YAF2: variants seen among roughly 807,000 people sequenced by gnomAD.
The protein encoded by YAF2 is YY1 associated factor 2.
YAF2 carries 7 observed loss-of-function variants against 20.1 expected under a neutral mutation model. That is an observed-to-expected ratio of 0.35 (90% confidence interval 0.20 to 0.65). The LOEUF (loss-of-function observed/expected upper bound fraction) is 0.65. Among genes scored for constraint, YAF2 ranks in the 30% least tolerant of loss-of-function variants. The pLI, the probability that YAF2 is intolerant of heterozygous loss-of-function variation, is 0.69. For missense variants in YAF2, 151 were observed against 219.2 expected, an observed-to-expected ratio of 0.69 and a Z score of 1.96; for synonymous variants, 74 against 76.0, an observed-to-expected ratio of 0.97 and a Z score of 0.14.
chr12:42,163,820 C>G (rs558252421), intron 2 of YAF2, among the ~76,000 whole-genome samples: 1 of 152,196 alleles, frequency 6.6e-6, no homozygotes, highest in South Asian at 2.1e-4. Context: ...TTATGATGAT[C>G]TTTTTACAAC....
chr12:42,175,973 T>C (rs2066179738), intron 2 of YAF2, among the ~76,000 whole-genome samples: 1 of 151,530 alleles, frequency 6.6e-6, no homozygotes. Flanking sequence ...GGGGCTAGGC[T>C]TGGTGGCTCA....
intron 2 of YAF2, among the ~76,000 whole-genome samples, chr12:42,195,091 T>C (rs1234192187): frequency 6.6e-6 from 1 of 152,046 alleles, no homozygotes; most frequent in Non-Finnish European, 1.5e-5. Flanking sequence ...ACAAGAAACA[T>C]ACACAAGCAA....
chr12:42,185,281 A>G (rs2137067846), intron 2 of YAF2, among the ~76,000 whole-genome samples: 1 of 152,352 alleles, frequency 6.6e-6, no homozygotes. Context: ...TTCACAGATG[A>G]GGAGTTGCTT....
chr12:42,235,528 G>A (rs963230606), intron 2 of YAF2: 15 of 1,326,506 alleles, frequency 1.1e-5, no homozygotes, highest in African/African-American at 1.5e-5. Flanking sequence ...GAGCTCTTAG[G>A]TTTAACTTAG....
rs201560900 is a variant in YAF2 at position 42,174,159 on chromosome 12, T to A, written c.153-12394A>T. ...ATCCCTGTCTAGCCACTGCCCCATT[T>A]GTTTTCTTTTCCATGACACCTCAAA... is the stretch of plus-strand genomic sequence containing the variant. On this transcript the variant is annotated intron_variant, in intron 2 of 3. Coordinates refer to ENST00000534854, the MANE Select transcript of YAF2 (RefSeq NM_005748.6). Among the ~76,000 whole-genome samples the A allele has an allele frequency of 5.3e-5, 8 of 152,224 alleles. No individual in the cohort carries two copies. The East Asian group carries it at 1.5e-3, about 29-fold the overall frequency.
intron 2 of YAF2, among the ~76,000 whole-genome samples, chr12:42,180,270 C>T (rs2066309838): frequency 6.6e-6 from 1 of 152,222 alleles, no homozygotes; most frequent in Non-Finnish European, 1.5e-5. Context: ...CTAGCTTCTA[C>T]CCTCACTCTC....
chr12:42,173,452 C>T (rs1405962794), intron 2 of YAF2, among the ~76,000 whole-genome samples: 3 of 152,190 alleles, frequency 2.0e-5, no homozygotes. Flanking sequence ...CAAAGCCTCT[C>T]AAATCATTAA....
At chr12:42,188,030 T>C (rs906304527) in intron 2 of YAF2, among the ~76,000 whole-genome samples, 3 of 152,168 alleles carry the variant, frequency 2.0e-5, no homozygotes, top group Non-Finnish European at 4.4e-5. Context: ...TTATCTTAGT[T>C]GCACCCTCAG....
At chr12:42,187,299 G>A (rs2066498490) in intron 2 of YAF2, among the ~76,000 whole-genome samples, 1 of 151,974 alleles carries the variant, frequency 6.6e-6, no homozygotes, top group Admixed American at 6.6e-5. Flanking sequence ...TGGTACTACA[G>A]GTGCTCACTA....
intron 2 of YAF2, among the ~76,000 whole-genome samples, chr12:42,197,554 GC>G (rs2066786113): frequency 6.6e-6 from 1 of 152,174 alleles, no homozygotes; most frequent in Admixed American, 6.5e-5. Flanking sequence ...TAATATGTAT[GC>G]CCAGATAACA....
intron 2 of YAF2, among the ~76,000 whole-genome samples, chr12:42,177,693 G>A (rs375634257): frequency 1.1e-3 from 164 of 152,250 alleles, no homozygotes; most frequent in African/African-American, 3.8e-3. Context: ...ACTTCTGCCC[G>A]AGGGTTTCCC....
chr12:42,193,432 G>A (rs545812581), intron 2 of YAF2, among the ~76,000 whole-genome samples: 1 of 152,112 alleles, frequency 6.6e-6, no homozygotes, highest in African/African-American at 2.4e-5. Flanking sequence ...TGCTATTTCA[G>A]AGTGTATTCC....
At chr12:42,227,826 T>G (rs1428836427) in intron 2 of YAF2, among the ~76,000 whole-genome samples, 2 of 100,246 alleles carry the variant, frequency 2.0e-5, no homozygotes, top group East Asian at 3.8e-4. Flanking sequence ...TGGCCAGCCG[T>G]GCCGTCCGGG....
At chr12:42,222,070 C>T (rs1393276686) in intron 2 of YAF2, among the ~76,000 whole-genome samples, 1 of 152,148 alleles carries the variant, frequency 6.6e-6, no homozygotes, top group Admixed American at 6.5e-5. Flanking sequence ...TCTTTTAAAA[C>T]ATGATTATAA....
At position 42,158,708 on chromosome 12, in the gene YAF2, G is replaced by C. The variant is rs2065745536; in HGVS notation, c.*1881C>G. 6.6e-6 allele frequency: 1 copy of C among 152,126 alleles called. No homozygotes were observed. Among genetic ancestry groups the C allele is most frequent in the Admixed American group, 6.5e-5 (1 of 15,274 alleles). 9.4% of individuals were successfully genotyped at this position (152,126 alleles called of 1,614,324 possible). On this transcript the variant is annotated 3_prime_UTR_variant, in exon 4 of 4. Coordinates refer to ENST00000534854, the MANE Select transcript of YAF2 (RefSeq NM_005748.6). ...TATCTTCCCACCTATGTAGAAATAT[G>C]AGTATGCTCCATTCAGGTAAAATCC...
intron 2 of YAF2, among the ~76,000 whole-genome samples, chr12:42,194,022 TAAAG>T (rs1344703733): frequency 6.6e-6 from 1 of 152,108 alleles, no homozygotes; most frequent in African/African-American, 2.4e-5. Context: ...AATAAGGATA[TAAAG>T]AAAGAAAATA....
chr12:42,235,951 G>C, intron 2 of YAF2: 2 of 1,536,052 alleles, frequency 1.3e-6, no homozygotes, highest in South Asian at 1.2e-5. Flanking sequence ...CTAACCCCAA[G>C]ACTGGCTGTG....
chr12:42,227,578 A>G (rs1201670486), intron 2 of YAF2, among the ~76,000 whole-genome samples: 1 of 139,322 alleles, frequency 7.2e-6, no homozygotes, highest in Non-Finnish European at 1.5e-5. Flanking sequence ...GCCCTGTCTG[A>G]GAAGTGAGGA....
intron 2 of YAF2, among the ~76,000 whole-genome samples, chr12:42,166,333 T>A (rs1308262351): frequency 6.6e-6 from 1 of 152,222 alleles, no homozygotes; most frequent in African/African-American, 2.4e-5. Flanking sequence ...GAGACAGACA[T>A]TCTCTCTGCT....
Sources: gnomAD v4.1 joint callset for allele counts (sites outside exome capture counted in the v4.1 genomes callset) on GRCh38, gnomAD v4.1.1 for gene constraint, MANE v1.5 for transcripts, NCBI Gene and HGNC (gene_info 2026-07-23, HGNC 2026-07-21) for gene names.